The following THSD4 variants were observed in gnomAD, a reference collection of about 807,000 sequenced individuals.
THSD4 encodes thrombospondin type-1 domain-containing protein 4.
A neutral mutation model predicts 119.0 loss-of-function variants in THSD4; 69 were observed. The ratio of observed to expected loss-of-function variants is 0.58; its 90% CI spans 0.48 to 0.71. The LOEUF (loss-of-function observed/expected upper bound fraction) is 0.71, where lower values mean the gene tolerates loss of function less well. Among genes scored for constraint, THSD4 ranks in the 30% least tolerant of loss-of-function variants. THSD4 has a pLI of 0.00. For synonymous variants in THSD4, 524 were observed against 540.4 expected, an observed-to-expected ratio of 0.97 and a Z score of 0.42; for missense variants, 1,393 against 1,391.1, an observed-to-expected ratio of 1.00 and a Z score of -0.02.
intron 6 of THSD4, among the ~76,000 whole-genome samples, chr15:71,377,911 C>CAA: frequency 3.3e-5 from 1 of 30,232 alleles, no homozygotes; most frequent in Admixed American, 2.8e-4. Flanking sequence ...CACACACACA[C>CAA]ACAATTTCCT....
At chr15:71,225,321 T>C (rs1236014174) in intron 4 of THSD4, among the ~76,000 whole-genome samples, 1 of 152,184 alleles carries the variant, frequency 6.6e-6, no homozygotes, top group Non-Finnish European at 1.5e-5. Flanking sequence ...TTATGAATGC[T>C]TTGATCCTGG....
At chr15:71,559,705 G>T (rs572877694) in intron 7 of THSD4, among the ~76,000 whole-genome samples, 41 of 152,190 alleles carry the variant, frequency 2.7e-4, no homozygotes, top group Non-Finnish European at 4.3e-4. Context: ...TAATGTTCAT[G>T]AAAGTGCTTT....
chr15:71,362,397 GACAAA>G (rs1314400288), intron 6 of THSD4, among the ~76,000 whole-genome samples: 1 of 152,106 alleles, frequency 6.6e-6, no homozygotes, highest in African/African-American at 2.4e-5. Context: ...ATAAAAATGA[GACAAA>G]ACAAAGGCAA....
intron 7 of THSD4, among the ~76,000 whole-genome samples, chr15:71,515,499 C>G (rs1385161783): frequency 6.6e-6 from 1 of 152,104 alleles, no homozygotes; most frequent in Admixed American, 6.6e-5. Context: ...AAGTTGCTGA[C>G]GTACCCTGCC....
intron 1 of THSD4, among the ~76,000 whole-genome samples, chr15:71,140,090 T>A (rs186284203): frequency 6.6e-5 from 10 of 152,386 alleles, no homozygotes; most frequent in African/African-American, 2.2e-4. Context: ...TTTACCTCCA[T>A]GTTTTCACTG....
intron 8 of THSD4, among the ~76,000 whole-genome samples, chr15:71,727,873 G>A (rs115828983): frequency 0.022 from 3,411 of 151,916 alleles, 115 homozygotes; most frequent in African/African-American, 0.079. Context: ...TAAATAAAGG[G>A]GTAATAAACT....
At chr15:71,592,951 T>C (rs2049835324) in intron 7 of THSD4, among the ~76,000 whole-genome samples, 1 of 152,108 alleles carries the variant, frequency 6.6e-6, no homozygotes, top group African/African-American at 2.4e-5. Flanking sequence ...GCAGTTGGAA[T>C]GTTGGAGAGA....
At chr15:71,608,164 G>A (rs1180603676) in intron 7 of THSD4, among the ~76,000 whole-genome samples, 1 of 149,624 alleles carries the variant, frequency 6.7e-6, no homozygotes, top group South Asian at 2.1e-4. Flanking sequence ...CGGTGGTTGC[G>A]GTGAGCTGAG....
At chr15:71,532,197 C>T (rs1036166477) in intron 7 of THSD4, among the ~76,000 whole-genome samples, 4 of 151,542 alleles carry the variant, frequency 2.6e-5, no homozygotes, top group Non-Finnish European at 5.9e-5. Flanking sequence ...AGACATGACC[C>T]AGAAGGGTAA....
At chr15:71,385,503 T>C (rs146985777) in intron 6 of THSD4, among the ~76,000 whole-genome samples, 2 of 152,202 alleles carry the variant, frequency 1.3e-5, no homozygotes, top group Non-Finnish European at 2.9e-5. Context: ...TGGACACTTA[T>C]GGACACAAAA....
intron 7 of THSD4, among the ~76,000 whole-genome samples, chr15:71,652,711 CT>C (rs1419297825): frequency 6.6e-6 from 1 of 152,164 alleles, no homozygotes; most frequent in Non-Finnish European, 1.5e-5. Flanking sequence ...CCAACATTTT[CT>C]TCCAGTTGAG....
chr15:71,291,315 A>G (rs1240896393), intron 6 of THSD4, among the ~76,000 whole-genome samples: 2 of 152,218 alleles, frequency 1.3e-5, no homozygotes, highest in African/African-American at 4.8e-5. Flanking sequence ...AATAGTATGC[A>G]TATATAGAAA....
chr15:71,313,613 A>G (rs1244252241), intron 6 of THSD4, among the ~76,000 whole-genome samples: 2 of 152,148 alleles, frequency 1.3e-5, no homozygotes, highest in African/African-American at 2.4e-5. Context: ...AATTAGTTTC[A>G]ATATATAGAC....
intron 7 of THSD4, among the ~76,000 whole-genome samples, chr15:71,631,090 G>C (rs1255197215): frequency 6.6e-6 from 1 of 152,156 alleles, no homozygotes; most frequent in Non-Finnish European, 1.5e-5. Context: ...CTCTGCATTG[G>C]ATGGCTTGGA....
chr15:71,701,454 A>C (rs187408299), intron 8 of THSD4, among the ~76,000 whole-genome samples: 345 of 152,328 alleles, frequency 2.3e-3, no homozygotes, highest in Middle Eastern at 6.8e-3. Flanking sequence ...TTGATTTAGC[A>C]AAATAGTCAT....
chr15:71,771,903 G>A (rs983571822), intron 17 of THSD4, among the ~76,000 whole-genome samples: 2 of 152,150 alleles, frequency 1.3e-5, no homozygotes, highest in East Asian at 3.9e-4. Flanking sequence ...TCCCAGCAGG[G>A]GAGCTCAAGT....
In THSD4 at chr15:71,448,364, A is replaced by G. The variant is rs574664430; in HGVS notation, c.1152+36541A>G. Among the ~76,000 whole-genome samples the G allele has an allele frequency of 2.0e-5, 3 of 152,338 alleles. No homozygotes were observed. In the East Asian group the frequency reaches 5.8e-4, roughly 29 times the overall value. On this transcript the variant is annotated intron_variant, in intron 7 of 17. Coordinates refer to ENST00000261862, the MANE Select transcript of THSD4 (RefSeq NM_024817.3). ...ACTGCTTAGGAAACAACCGGTCCTTATCTCAAGTCTAACTCCCTTAACATT... is the reference window on the plus strand; with the variant it reads ...ACTGCTTAGGAAACAACCGGTCCTTGTCTCAAGTCTAACTCCCTTAACATT...
chr15:71,536,745 T>C (rs929645042), intron 7 of THSD4, among the ~76,000 whole-genome samples: 1 of 152,182 alleles, frequency 6.6e-6, no homozygotes, highest in Non-Finnish European at 1.5e-5. Context: ...TAATATATTA[T>C]TATTAATTAT....
intron 11 of THSD4, among the ~76,000 whole-genome samples, chr15:71,742,572 G>A (rs1334808311): frequency 2.6e-5 from 4 of 152,128 alleles, no homozygotes; most frequent in African/African-American, 7.2e-5. Context: ...AACTGATCTC[G>A]AATAGTTTTC....
Sources: allele counts gnomAD v4.1 joint callset (sites outside exome capture counted in the v4.1 genomes callset), GRCh38; gene constraint gnomAD v4.1.1; transcripts MANE v1.5; gene names NCBI Gene and HGNC (gene_info 2026-07-23, HGNC 2026-07-21).